The following SNX29 variants were observed in gnomAD, a reference collection of about 807,000 sequenced individuals.
SNX29 encodes sorting nexin-29.
Under a neutral mutation model 102.1 loss-of-function variants are expected in SNX29, and 78 were observed. That is an observed-to-expected ratio of 0.76 (90% CI 0.64 to 0.92). The LOEUF (loss-of-function observed/expected upper bound fraction) is 0.92. Ranked by LOEUF, SNX29 falls within the 40% of genes least tolerant of loss-of-function variation. The pLI, the probability that SNX29 is intolerant of heterozygous loss-of-function variation, is 0.00. For synonymous variants in SNX29, 580 were observed against 414.5 expected, an observed-to-expected ratio of 1.40 and a Z score of -4.85; for missense variants, 1,280 against 1,061.7, an observed-to-expected ratio of 1.21 and a Z score of -2.86.
chr16:12,520,934 C>T (rs947215141), intron 19 of SNX29, among the ~76,000 whole-genome samples: 9 of 152,188 alleles, frequency 5.9e-5, no homozygotes, highest in Non-Finnish European at 8.8e-5. Context: ...TGCAGTAGCT[C>T]ATGCCTGTAA....
At chr16:12,222,068 G>C (rs12447994) in intron 14 of SNX29, among the ~76,000 whole-genome samples, 17,199 of 152,292 alleles carry the variant, frequency 0.11, 1,045 homozygotes, top group Middle Eastern at 0.17. Flanking sequence ...GCCGGGCACT[G>C]TTTGAAGATC....
chr16:12,548,098 A>T (rs772854682), intron 20 of SNX29, among the ~76,000 whole-genome samples: 2 of 152,192 alleles, frequency 1.3e-5, no homozygotes, highest in African/African-American at 2.4e-5. Context: ...TTGCTAAGGG[A>T]CATTGAGGTC....
chr16:12,078,722 T>A, intron 10 of SNX29, 111 bp from the exon 11 acceptor site: 2 of 860,768 alleles, frequency 2.3e-6, no homozygotes, highest in African/African-American at 1.7e-5. Context: ...ACTGCCTCTA[T>A]CCCTTCTAGT....
chr16:12,545,036 T>G (rs2077524361), intron 20 of SNX29, among the ~76,000 whole-genome samples: 1 of 152,096 alleles, frequency 6.6e-6, no homozygotes, highest in South Asian at 2.1e-4. Context: ...AGTAGCCAGG[T>G]CTGTGATGCC....
chr16:12,564,019 G>A (rs1390321722), intron 20 of SNX29, among the ~76,000 whole-genome samples: 1 of 151,954 alleles, frequency 6.6e-6, no homozygotes, highest in Non-Finnish European at 1.5e-5. Flanking sequence ...CCAGGGTAGG[G>A]AGTTGAGGAG....
chr16:12,253,692 C>A (rs1014879948), intron 14 of SNX29, among the ~76,000 whole-genome samples: 4 of 152,104 alleles, frequency 2.6e-5, no homozygotes, highest in East Asian at 1.9e-4. Context: ...ACAGTCACAT[C>A]CCCTGGGGCC....
intron 18 of SNX29, among the ~76,000 whole-genome samples, chr16:12,448,965 G>A (rs756985777): frequency 6.6e-6 from 1 of 152,228 alleles, no homozygotes; most frequent in Admixed American, 6.5e-5. Flanking sequence ...CAAGCTAGGG[G>A]AAGAGTTGCT....
chr16:12,573,837 G>T lies in SNX29; in HGVS notation c.*5208G>T, dbSNP rs909380088. On this transcript the variant is annotated 3_prime_UTR_variant, in exon 21 of 21. Coordinates refer to ENST00000566228, the MANE Select transcript of SNX29 (RefSeq NM_032167.5). ...AGCTAATTGGAATTTTTATTATCCA[G>T]GACTCATCCTAAGAAGAATGTTGGC... 1.9e-5 allele frequency: 4 copies of T among 214,406 alleles called. No individual in the cohort carries two copies. The highest frequency in any genetic ancestry group is 3.8e-5 in the Non-Finnish European group (4 of 106,308). The allele number at this position is 214,406 out of a possible 1,614,324, so 13.3% of individuals were successfully genotyped here.
intron 1 of SNX29, 69 bp from the exon 2 acceptor site, chr16:11,999,228 G>T (rs1444030389): frequency 9.3e-6 from 13 of 1,400,790 alleles, no homozygotes; most frequent in East Asian, 2.3e-5. Context: ...AGTAGGAAAG[G>T]ACTGATCTAG....
intron 16 of SNX29, among the ~76,000 whole-genome samples, chr16:12,384,492 C>T (rs1444220800): frequency 6.6e-6 from 1 of 152,194 alleles, no homozygotes; most frequent in East Asian, 1.9e-4. Flanking sequence ...TTTTCATAGA[C>T]CTGTTAGCCA....
intron 19 of SNX29, among the ~76,000 whole-genome samples, chr16:12,498,457 G>A (rs1030357118): frequency 2.6e-5 from 4 of 152,298 alleles, no homozygotes; most frequent in Admixed American, 2.6e-4. Flanking sequence ...AGCAGGAGAC[G>A]CTGGGCTAGT....
chr16:12,415,138 A>G (rs1425876123), intron 18 of SNX29, among the ~76,000 whole-genome samples: 2 of 152,226 alleles, frequency 1.3e-5, no homozygotes, highest in African/African-American at 4.8e-5. Flanking sequence ...CCGGGCAAAA[A>G]TTCCAGCTTG....
intron 1 of SNX29, among the ~76,000 whole-genome samples, chr16:11,992,440 A>G (rs1207155857): frequency 6.6e-6 from 1 of 152,188 alleles, no homozygotes; most frequent in East Asian, 1.9e-4. Flanking sequence ...CATCACCCAA[A>G]GGAAACTCCA....
intron 18 of SNX29, among the ~76,000 whole-genome samples, chr16:12,453,029 C>T (rs533462976): frequency 7.2e-5 from 11 of 152,320 alleles, no homozygotes; most frequent in Admixed American, 5.2e-4. Context: ...AAAGGATCCC[C>T]AGCAGTAAGA....
chr16:12,463,534 G>A (rs1295199368), intron 18 of SNX29, among the ~76,000 whole-genome samples: 1 of 152,088 alleles, frequency 6.6e-6, no homozygotes, highest in African/African-American at 2.4e-5. Flanking sequence ...ACTAACAAGG[G>A]AACAGCATGA....
chr16:12,452,111 A>T (rs562058564), intron 18 of SNX29, among the ~76,000 whole-genome samples: 1 of 152,258 alleles, frequency 6.6e-6, no homozygotes, highest in South Asian at 2.1e-4. Flanking sequence ...CTGAGGGATT[A>T]TCATGAGGCT....
chr16:12,484,772 C>T (rs2088144074), intron 19 of SNX29, among the ~76,000 whole-genome samples: 1 of 152,206 alleles, frequency 6.6e-6, no homozygotes, highest in African/African-American at 2.4e-5. Flanking sequence ...TCCTGACACC[C>T]CTCACTCTGC....
chr16:12,243,918 A>G (rs2078185912), intron 14 of SNX29, among the ~76,000 whole-genome samples: 1 of 152,218 alleles, frequency 6.6e-6, no homozygotes, highest in South Asian at 2.1e-4. Flanking sequence ...GTCAAATGTC[A>G]TGGAGTCCTT....
At chr16:11,995,645 T>G (rs1204302363) in intron 1 of SNX29, among the ~76,000 whole-genome samples, 1 of 138,058 alleles carries the variant, frequency 7.2e-6, no homozygotes, top group Non-Finnish European at 1.5e-5. Context: ...CAAAATACTC[T>G]TAAAAAAAAA....
Sources: gnomAD v4.1 joint callset for allele counts (sites outside exome capture counted in the v4.1 genomes callset) on GRCh38, gnomAD v4.1.1 for gene constraint, MANE v1.5 for transcripts, NCBI Gene and HGNC (gene_info 2026-07-23, HGNC 2026-07-21) for gene names.